Variants in ATXN7 observed in about 807,000 individuals in gnomAD.
The protein encoded by ATXN7 is ataxin 7, also known as ataxin-7.
In ATXN7, 12 loss-of-function variants were observed where a neutral mutation model predicts 70.5. That is an observed-to-expected ratio of 0.17 (90% confidence interval 0.11 to 0.28). The LOEUF (loss-of-function observed/expected upper bound fraction) is 0.28, where lower values mean the gene tolerates loss of function less well. Ranked by LOEUF, ATXN7 falls within the 10% of genes least tolerant of loss-of-function variation. ATXN7 has a pLI of 1.00. For missense variants in ATXN7, 1,256 were observed against 1,131.7 expected (o/e 1.11, Z -1.58); for synonymous variants, 498 against 448.7 (o/e 1.11, Z -1.39).
intron 4 of ATXN7, among the ~76,000 whole-genome samples, chr3:63,930,664 G>A (rs960414577): frequency 6.6e-6 from 1 of 152,028 alleles, no homozygotes; most frequent in Non-Finnish European, 1.5e-5. Context: ...GAGTAGCTGG[G>A]ACTACAGGCG....
intron 5 of ATXN7, among the ~76,000 whole-genome samples, chr3:63,965,545 G>A (rs2075206749): frequency 1.3e-5 from 2 of 152,092 alleles, no homozygotes; most frequent in East Asian, 1.9e-4. Context: ...AGTGAGGCAC[G>A]GATGTTATTC....
chr3:63,870,899 G>T (rs1206816529), intron 1 of ATXN7, among the ~76,000 whole-genome samples: 1 of 152,142 alleles, frequency 6.6e-6, no homozygotes, highest in East Asian at 1.9e-4. Context: ...TAGGATTGGT[G>T]TGTACAGAGC....
At chr3:63,973,450 C>G (rs1013529307) in intron 5 of ATXN7, among the ~76,000 whole-genome samples, 1 of 152,086 alleles carries the variant, frequency 6.6e-6, no homozygotes, top group Non-Finnish European at 1.5e-5. Context: ...TAAGTTGATT[C>G]TTTTTAGCCA....
intron 4 of ATXN7, among the ~76,000 whole-genome samples, chr3:63,925,931 T>C (rs979607020): frequency 2.6e-5 from 4 of 152,110 alleles, no homozygotes; most frequent in Non-Finnish European, 4.4e-5. Context: ...GGAGTAGATA[T>C]GTTTGAAAGA....
In ATXN7 at chr3:63,983,081, A is replaced by AC. The variant is rs143979784; in HGVS notation, c.1095+62dup. 851 of 1,275,326 alleles carry AC rather than the reference A, an allele frequency of 6.7e-4. 3 individuals carry two copies. In the African/African-American group the frequency reaches 0.011, roughly 16 times the overall value. 79.0% of individuals were successfully genotyped at this position (1,275,326 alleles called of 1,614,324 possible). ...TGATAAACATGGGTGACTGGGATGT[A>AC]CCACACTACTCCCACAGTCTCTCTA... On this transcript the variant is annotated intron_variant, in intron 8 of 12. Transcript: ENST00000674280.
At chr3:63,885,111 A>G (rs907669006) in intron 1 of ATXN7, among the ~76,000 whole-genome samples, 1 of 152,212 alleles carries the variant, frequency 6.6e-6, no homozygotes, top group Non-Finnish European at 1.5e-5. Flanking sequence ...AAAAATAGAA[A>G]AATGGGGTTG....
intron 4 of ATXN7, among the ~76,000 whole-genome samples, chr3:63,949,807 A>C (rs930378965): frequency 2.0e-5 from 3 of 152,166 alleles, no homozygotes; most frequent in African/African-American, 7.2e-5. Context: ...CAGTGTGCTC[A>C]TGAGAAATTA....
intron 2 of ATXN7, chr3:63,905,314 G>A (rs1441893551): frequency 6.6e-6 from 1 of 152,156 alleles, no homozygotes; most frequent in African/African-American, 2.4e-5. Context: ...TAGTTCAAGA[G>A]ATTCTCCTGC....
chr3:63,958,785 A>C (rs912681191), intron 5 of ATXN7, among the ~76,000 whole-genome samples: 1 of 152,244 alleles, frequency 6.6e-6, no homozygotes, highest in African/African-American at 2.4e-5. Flanking sequence ...TTAACAATCC[A>C]CTGAATAGAT....
At chr3:63,937,187 TGTG>T (rs2074678004) in intron 4 of ATXN7, among the ~76,000 whole-genome samples, 2 of 152,204 alleles carry the variant, frequency 1.3e-5, no homozygotes, top group South Asian at 4.1e-4. Context: ...AATAAGGCAG[TGTG>T]TCGACTGTTT....
At chr3:63,974,385 C>T (rs1435942244) in intron 5 of ATXN7, among the ~76,000 whole-genome samples, 2 of 152,226 alleles carry the variant, frequency 1.3e-5, no homozygotes, top group Non-Finnish European at 2.9e-5. Context: ...GGGCTTCTTA[C>T]TGATTTATGC....
chr3:63,889,066 T>G (rs1256121243), intron 1 of ATXN7, among the ~76,000 whole-genome samples: 2 of 152,242 alleles, frequency 1.3e-5, no homozygotes, highest in African/African-American at 2.4e-5. Context: ...AGACCATATA[T>G]TTCTAGCTTG....
At chr3:63,985,786 A>G (rs915228524) in intron 8 of ATXN7, among the ~76,000 whole-genome samples, 3 of 152,168 alleles carry the variant, frequency 2.0e-5, no homozygotes, top group Admixed American at 6.5e-5. Context: ...GCCTTTGTCC[A>G]TTCACTCATT....
intron 1 of ATXN7, among the ~76,000 whole-genome samples, chr3:63,865,601 G>A (rs569261354): frequency 6.6e-6 from 1 of 152,118 alleles, no homozygotes; most frequent in South Asian, 2.1e-4. Context: ...TGTTTAGAAA[G>A]TAATTGTCGG....
chr3:63,963,258 T>C (rs1469972634), intron 5 of ATXN7, among the ~76,000 whole-genome samples: 1 of 152,226 alleles, frequency 6.6e-6, no homozygotes, highest in Non-Finnish European at 1.5e-5. Context: ...TCACAGTGCA[T>C]TTTTGTAACA....
At chr3:63,984,351 CA>C (rs1476423431) in intron 8 of ATXN7, among the ~76,000 whole-genome samples, 1 of 152,142 alleles carries the variant, frequency 6.6e-6, no homozygotes, top group Non-Finnish European at 1.5e-5. Context: ...TCTCATAAAA[CA>C]AACTGCTTTT....
chr3:63,925,338 G>A (rs192857705), intron 4 of ATXN7, among the ~76,000 whole-genome samples: 63 of 152,248 alleles, frequency 4.1e-4, no homozygotes, highest in South Asian at 2.1e-3. Context: ...ATCAGTACCC[G>A]CCTATGGCCT....
At chr3:63,968,009 C>G in intron 5 of ATXN7, 4 of 1,507,674 alleles carry the variant, frequency 2.7e-6, no homozygotes, top group Non-Finnish European at 3.6e-6. Flanking sequence ...AGAGTCTGGG[C>G]TTGGCTCAGG....
intron 1 of ATXN7, among the ~76,000 whole-genome samples, chr3:63,880,186 A>G (rs983756315): frequency 6.6e-6 from 1 of 152,128 alleles, no homozygotes; most frequent in African/African-American, 2.4e-5. Context: ...GAAGATGAAT[A>G]TTTACTCTGT....
Sources: allele counts gnomAD v4.1 joint callset (sites outside exome capture counted in the v4.1 genomes callset), GRCh38; gene constraint gnomAD v4.1.1; transcripts MANE v1.5; gene names NCBI Gene and HGNC (gene_info 2026-07-23, HGNC 2026-07-21).